Variants in AKT3 observed in about 807,000 individuals in gnomAD.
AKT3 encodes AKT serine/threonine kinase 3.
Under a neutral mutation model 65.3 loss-of-function variants are expected in AKT3, and 15 were observed. The ratio of observed to expected loss-of-function variants is 0.23; its 90% CI spans 0.15 to 0.35. The LOEUF (loss-of-function observed/expected upper bound fraction) is 0.35. Ranked by LOEUF, AKT3 falls within the 10% of genes least tolerant of loss-of-function variation. The pLI is 1.00. For synonymous variants in AKT3, 206 were observed against 183.8 expected (o/e 1.12, Z -0.98); for missense variants, 243 against 576.5 (o/e 0.42, Z 5.92).
rs1387056421 is a variant in AKT3, at chr1:243,501,039, C to T, written c.*4210G>A. The T allele has an allele frequency of 1.3e-5, 3 of 230,082 alleles. No individual in the cohort carries two copies. The highest frequency in any genetic ancestry group is 6.7e-5 in the African/African-American group (3 of 45,086). 14.3% of individuals were successfully genotyped at this position (230,082 alleles called of 1,614,324 possible). ...TTTTAGCCTCCTGGATCTGTCAACC[C>T]CAGTGGTTTTGAGAGAAGAGCACAT... is the stretch of plus-strand genomic sequence containing the variant. On this transcript the variant is annotated 3_prime_UTR_variant, in exon 14 of 14. Transcript: ENST00000673466.
At chr1:243,833,786 A>G (rs562633566) in intron 2 of AKT3, among the ~76,000 whole-genome samples, 2 of 151,078 alleles carry the variant, frequency 1.3e-5, no homozygotes, top group African/African-American at 4.8e-5. Flanking sequence ...GAGCCCAGCC[A>G]CAGTGGCTCA....
rs905296382 is a variant in AKT3 at position 243,501,599 on chromosome 1, T to C, written c.*3650A>G. ...TCACTGAAGTAAAAATGATCCCCTA[T>C]GTGTGTGTGTGTGAGCTACAAGGAA... On this transcript the variant is annotated 3_prime_UTR_variant, in exon 14 of 14. Coordinates refer to ENST00000673466, the MANE Select transcript of AKT3 (RefSeq NM_005465.7). 8.9e-6 allele frequency: 2 copies of C among 223,834 alleles called. No individual in the cohort carries two copies. Among genetic ancestry groups the C allele is most frequent in the Non-Finnish European group, 1.8e-5 (2 of 112,524 alleles). The allele number at this position is 223,834 out of a possible 1,614,324, so 13.9% of individuals were successfully genotyped here.
At chr1:243,531,158 A>T (rs555989929) in intron 12 of AKT3, among the ~76,000 whole-genome samples, 1 of 152,272 alleles carries the variant, frequency 6.6e-6, no homozygotes, top group African/African-American at 2.4e-5. Flanking sequence ...TAGTGTGATC[A>T]CAGCTCATTG....
chr1:243,735,450 T>C (rs1687788467), intron 2 of AKT3, among the ~76,000 whole-genome samples: 1 of 152,228 alleles, frequency 6.6e-6, no homozygotes, highest in Admixed American at 6.5e-5. Flanking sequence ...TTTCAACATG[T>C]TTCTAAAAAT....
In AKT3 at chr1:243,505,330, A is replaced by C. The variant is rs142844303; in HGVS notation, c.1359T>G (p.Asp453Glu). 1 of 1,613,692 alleles carries C rather than the reference A, an allele frequency of 6.2e-7. No homozygotes were observed. The highest frequency in any genetic ancestry group is 8.5e-7 in the Non-Finnish European group (1 of 1,179,710). The change falls in exon 14 of 14, where the codon GAT becomes GAG. Residue 453 changes from aspartate (D) to glutamate (E), a missense_variant. This residue lies in a region of AKT3 where 57 missense variants were observed against 107.6 expected (regional missense o/e 0.53). Coordinates refer to ENST00000673466, the MANE Select transcript of AKT3 (RefSeq NM_005465.7). ...TITITPPEKY[D>E]EDGMDCMDNE... ...TGTCCATGCAGTCCATACCATCCTC[A>C]TCATCTGTGGGCAGGAAACATCTAT...
intron 10 of AKT3, among the ~76,000 whole-genome samples, chr1:243,557,676 T>G (rs1056807801): frequency 1.3e-5 from 2 of 152,038 alleles, no homozygotes; most frequent in African/African-American, 4.8e-5. Flanking sequence ...ATATGAGAGT[T>G]AGAAGTTCTT....
intron 2 of AKT3, among the ~76,000 whole-genome samples, chr1:243,794,637 A>G (rs779001655): frequency 6.6e-6 from 1 of 152,194 alleles, no homozygotes; most frequent in Non-Finnish European, 1.5e-5. Flanking sequence ...CAGACACAAG[A>G]AGAAGAGTAT....
intron 8 of AKT3, among the ~76,000 whole-genome samples, chr1:243,604,059 C>G (rs1444813239): frequency 2.0e-5 from 3 of 151,920 alleles, no homozygotes; most frequent in Non-Finnish European, 4.4e-5. Context: ...CCAGGCCTGG[C>G]TAATTTTGTA....
intron 4 of AKT3, among the ~76,000 whole-genome samples, chr1:243,659,937 TTC>T (rs1194841068): frequency 5.3e-5 from 8 of 152,204 alleles, no homozygotes; most frequent in Admixed American, 4.6e-4. Context: ...TGGTCTAAAA[TTC>T]TCTTTTTTGG....
Position 243,669,255 on chromosome 1 carries a change from T to A in AKT3, c.173-4372A>T, listed in dbSNP as rs111467322. Among the ~76,000 whole-genome samples the A allele has an allele frequency of 3.4e-3, 524 of 152,216 alleles. 2 individuals are homozygous for A. Among genetic ancestry groups the A allele is most frequent in the African/African-American group, 0.012 (484 of 41,550 alleles). ...GTTCTTCTTATAGCACCTAGGACAG[T>A]GACAGGACATAGGAGTATACAATAA... On this transcript the variant is annotated intron_variant, in intron 3 of 13. Transcript: ENST00000673466.
chr1:243,632,592 T>C (rs527598976), intron 6 of AKT3, among the ~76,000 whole-genome samples: 10 of 152,322 alleles, frequency 6.6e-5, no homozygotes, highest in Non-Finnish European at 8.8e-5. Context: ...ACCAACTGCA[T>C]AGCCACTACT....
chr1:243,646,160 G>T, intron 4 of AKT3, 123 bp from the exon 5 acceptor site: 1 of 776,332 alleles, frequency 1.3e-6, no homozygotes, highest in Non-Finnish European at 1.9e-6. Context: ...ACTCAACACA[G>T]ATAAGCATAC....
At chr1:243,574,313 T>C (rs1005458661) in intron 8 of AKT3, among the ~76,000 whole-genome samples, 36 of 149,476 alleles carry the variant, frequency 2.4e-4, no homozygotes, top group African/African-American at 7.8e-4. Context: ...CCCATTGGCA[T>C]AGTAAACAGA....
At position 243,667,826 on chromosome 1, in the gene AKT3, G is replaced by A. The variant is rs190643811; in HGVS notation, c.173-2943C>T. 1.1e-4 allele frequency among the ~76,000 whole-genome samples: 17 copies of A among 152,150 alleles called. No individual in the cohort carries two copies. The East Asian group carries it at 3.1e-3, about 28-fold the overall frequency. On this transcript the variant is annotated intron_variant, in intron 3 of 13. Transcript: ENST00000673466. ...CCTACTTCCTTAGTACTCTCTTTCA[G>A]GCTGCTCTGCCAGCCACCCTGGCTT...
At chr1:243,795,462 G>T (rs9428975) in intron 2 of AKT3, among the ~76,000 whole-genome samples, 31,299 of 103,070 alleles carry the variant, frequency 0.3, 6,706 homozygotes, top group African/African-American at 0.59. Context: ...TTTTTTTTTT[G>T]TTTTTTTTTT....
At chr1:243,632,032 C>T (rs1178044439) in intron 6 of AKT3, among the ~76,000 whole-genome samples, 1 of 152,180 alleles carries the variant, frequency 6.6e-6, no homozygotes, top group African/African-American at 2.4e-5. Context: ...CAACTTCTTA[C>T]ACACTCCTAT....
Position 243,500,480 on chromosome 1 carries a change from A to C in AKT3, c.*4769T>G, listed in dbSNP as rs779958646. On this transcript the variant is annotated 3_prime_UTR_variant, in exon 14 of 14. Transcript: ENST00000673466. Reference sequence around the variant, plus strand: ...TAGTGAAATTAGAAAATTTACTTAGAGTATATCAAATATCTGTACACAGAT... The same window carrying C: ...TAGTGAAATTAGAAAATTTACTTAGCGTATATCAAATATCTGTACACAGAT... 14 of 226,192 alleles carry C rather than the reference A, an allele frequency of 6.2e-5. No homozygotes were observed. The highest frequency in any genetic ancestry group is 1.1e-4 in the Non-Finnish European group (12 of 113,902). 14.0% of individuals were successfully genotyped at this position (226,192 alleles called of 1,614,324 possible).
At position 243,829,256 on chromosome 1, in the gene AKT3, A is replaced by ATTTACCCTATATATTTATATT. The variant is rs564280065; in HGVS notation, c.46+13868_46+13869insAATATAAATATATAGGGTAAA. Among the ~76,000 whole-genome samples, 229 of 152,260 alleles carry ATTTACCCTATATATTTATATT rather than the reference A, an allele frequency of 1.5e-3. 1 individual carries two copies. Among genetic ancestry groups the ATTTACCCTATATATTTATATT allele is most frequent in the African/African-American group, 5.3e-3 (221 of 41,552 alleles). ...AAAGGAATCACACGATACCCTATAT[A>ATTTACCCTATATATTTATATT]TTTACTGCTTGGCTCTTTTAAAGGA... On this transcript the variant is annotated intron_variant, in intron 2 of 13. Transcript: ENST00000673466.
At chr1:243,564,131 T>C (rs975331950) in intron 9 of AKT3, among the ~76,000 whole-genome samples, 3 of 152,160 alleles carry the variant, frequency 2.0e-5, no homozygotes, top group Non-Finnish European at 2.9e-5. Flanking sequence ...TAAAGCCTAA[T>C]CAACTTTTCA....
Sources: gnomAD v4.1 joint callset for allele counts (sites outside exome capture counted in the v4.1 genomes callset) on GRCh38, gnomAD v4.1.1 for gene constraint, gnomAD v4.1.1 regional missense constraint, MANE v1.5 for transcripts, NCBI Gene and HGNC (gene_info 2026-07-23, HGNC 2026-07-21) for gene names.